ARHGEF28: variants seen among roughly 807,000 people sequenced by gnomAD.
The protein encoded by ARHGEF28 is Rho guanine nucleotide exchange factor 28, also known as 190 kDa guanine nucleotide exchange factor.
A neutral mutation model predicts 206.6 loss-of-function variants in ARHGEF28; 152 were observed. The observed-to-expected ratio is 0.74, with a 90% confidence interval of 0.64 to 0.84. The LOEUF is 0.84. ARHGEF28 is among the 40% of genes least tolerant of loss of function. ARHGEF28 has a pLI of 0.00. For synonymous variants in ARHGEF28, 763 were observed against 776.4 expected (o/e 0.98, Z 0.29); for missense variants, 2,028 against 2,073.2 (o/e 0.98, Z 0.42).
At chr5:73,707,928 A>G (rs1308176706) in intron 2 of ARHGEF28, among the ~76,000 whole-genome samples, 1 of 152,134 alleles carries the variant, frequency 6.6e-6, no homozygotes, top group African/African-American at 2.4e-5. Flanking sequence ...TTCCAGTCTA[A>G]TACCACAAAG....
intron 4 of ARHGEF28, among the ~76,000 whole-genome samples, chr5:73,757,899 GT>G (rs1363033132): frequency 6.6e-6 from 1 of 152,090 alleles, no homozygotes; most frequent in East Asian, 1.9e-4. Flanking sequence ...TTTCTTGCTT[GT>G]TTGTTTTTTG....
intron 2 of ARHGEF28, among the ~76,000 whole-genome samples, chr5:73,716,188 T>A (rs1007420798): frequency 4.6e-5 from 7 of 152,230 alleles, no homozygotes; most frequent in African/African-American, 1.7e-4. Context: ...ATTAATGTTG[T>A]CACCTAACCA....
rs766272744 is a variant in ARHGEF28, at chr5:73,870,262, G to C, written c.2566+53G>C. The C allele has an allele frequency of 9.6e-6, 15 of 1,555,908 alleles. No homozygotes were observed. In the African/African-American group the frequency reaches 1.1e-4, roughly 11 times the overall value. ...TTGAAGCAGTGCGGTTCAGAGAAAA[G>C]AACATGGAATTTGCAACTGTGCAGA... On this transcript the variant is annotated intron_variant, in intron 21 of 35. Coordinates refer to ENST00000513042, the MANE Select transcript of ARHGEF28 (RefSeq NM_001177693.2).
chr5:73,826,021 C>T (rs1756886467), intron 9 of ARHGEF28, among the ~76,000 whole-genome samples: 1 of 152,060 alleles, frequency 6.6e-6, no homozygotes, highest in African/African-American at 2.4e-5. Flanking sequence ...TGAGGACTGA[C>T]CCTAAAGTAG....
chr5:73,907,841 T>C (rs1283967192), intron 33 of ARHGEF28, among the ~76,000 whole-genome samples: 1 of 152,218 alleles, frequency 6.6e-6, no homozygotes, highest in African/African-American at 2.4e-5. Flanking sequence ...AAATGTTAGA[T>C]AGACATGAAG....
intron 2 of ARHGEF28, among the ~76,000 whole-genome samples, chr5:73,733,221 T>C (rs1395165632): frequency 1.3e-5 from 2 of 152,176 alleles, no homozygotes; most frequent in Admixed American, 1.3e-4. Flanking sequence ...CTAAAATAAA[T>C]TGGAGTAGTT....
chr5:73,846,904 T>C lies in ARHGEF28; in HGVS notation c.1635+429T>C, dbSNP rs560487695. On this transcript the variant is annotated intron_variant, in intron 12 of 35. Coordinates refer to ENST00000513042, the MANE Select transcript of ARHGEF28 (RefSeq NM_001177693.2). ...GTTAATAAGGTAGAAGTGATATTTATTGAGCATTTCTGGCTGCTTGAACTA... is the reference window on the plus strand; with the variant it reads ...GTTAATAAGGTAGAAGTGATATTTACTGAGCATTTCTGGCTGCTTGAACTA... 2.8e-4 allele frequency among the ~76,000 whole-genome samples: 42 copies of C among 152,348 alleles called. No individual in the cohort carries two copies. The South Asian group carries it at 8.3e-3, about 30-fold the overall frequency.
chr5:73,874,000 A>G (rs1214323380), intron 22 of ARHGEF28, among the ~76,000 whole-genome samples: 1 of 152,186 alleles, frequency 6.6e-6, no homozygotes, highest in African/African-American at 2.4e-5. Context: ...ACACTGTACA[A>G]GTAATCCAGT....
At chr5:73,812,119 A>C (rs1755875628) in intron 9 of ARHGEF28, among the ~76,000 whole-genome samples, 1 of 152,148 alleles carries the variant, frequency 6.6e-6, no homozygotes, top group African/African-American at 2.4e-5. Flanking sequence ...AAAACACAGT[A>C]GTGATTTATG....
At chr5:73,648,272 G>A (rs1298864559) in intron 1 of ARHGEF28, among the ~76,000 whole-genome samples, 1 of 152,040 alleles carries the variant, frequency 6.6e-6, no homozygotes, top group Admixed American at 6.5e-5. Flanking sequence ...TCCAGTGTCT[G>A]GGAAATCCAT....
At chr5:73,686,132 A>T (rs1747451530) in intron 2 of ARHGEF28, among the ~76,000 whole-genome samples, 1 of 151,704 alleles carries the variant, frequency 6.6e-6, no homozygotes, top group African/African-American at 2.4e-5. Context: ...GATCTCTAGT[A>T]CTCTCTCTAG....
intron 25 of ARHGEF28, 190 bp from the exon 26 acceptor site, chr5:73,887,413 C>G: frequency 2.3e-6 from 1 of 431,920 alleles, no homozygotes; most frequent in Non-Finnish European, 4.1e-6. Context: ...TACCTACAGC[C>G]ACACACAAAC....
At chr5:73,632,656 G>A (rs1448549400) in intron 1 of ARHGEF28, among the ~76,000 whole-genome samples, 1 of 152,084 alleles carries the variant, frequency 6.6e-6, no homozygotes, top group African/African-American at 2.4e-5. Context: ...TTCTTTTATT[G>A]AGGTTAGAAA....
intron 5 of ARHGEF28, among the ~76,000 whole-genome samples, chr5:73,775,969 G>A (rs1328926538): frequency 1.8e-5 from 2 of 112,458 alleles, no homozygotes; most frequent in Admixed American, 8.8e-5. Flanking sequence ...GTGTGTGAGT[G>A]TGTTCAGAAA....
At chr5:73,665,584 G>A (rs1745899915) in intron 1 of ARHGEF28, among the ~76,000 whole-genome samples, 1 of 152,156 alleles carries the variant, frequency 6.6e-6, no homozygotes, top group Non-Finnish European at 1.5e-5. Context: ...TCATGGTTCT[G>A]GAGGCTGAGA....
At chr5:73,719,570 T>C (rs1484032799) in intron 2 of ARHGEF28, among the ~76,000 whole-genome samples, 3 of 152,212 alleles carry the variant, frequency 2.0e-5, no homozygotes, top group African/African-American at 7.2e-5. Flanking sequence ...TGCTAAAATG[T>C]TTCCTCTCCT....
At chr5:73,875,348 A>G (rs1173899290) in intron 22 of ARHGEF28, among the ~76,000 whole-genome samples, 1 of 149,614 alleles carries the variant, frequency 6.7e-6, no homozygotes, top group Non-Finnish European at 1.5e-5. Context: ...GGTTGCAAAA[A>G]TTTTCTCCCA....
At chr5:73,884,781 A>ACTTTT (rs58437639) in intron 24 of ARHGEF28, among the ~76,000 whole-genome samples, 5 of 151,910 alleles carry the variant, frequency 3.3e-5, no homozygotes, top group Non-Finnish European at 7.4e-5. Flanking sequence ...ACCAAATATC[A>ACTTTT]ATGCTGCTCC....
At chr5:73,655,663 A>G (rs1261982502) in intron 1 of ARHGEF28, among the ~76,000 whole-genome samples, 5 of 152,172 alleles carry the variant, frequency 3.3e-5, no homozygotes, top group Non-Finnish European at 7.3e-5. Context: ...CTGTGGCAGT[A>G]TTTACACATT....
Sources: allele counts gnomAD v4.1 joint callset (sites outside exome capture counted in the v4.1 genomes callset), GRCh38; gene constraint gnomAD v4.1.1; transcripts MANE v1.5; gene names NCBI Gene and HGNC (gene_info 2026-07-23, HGNC 2026-07-21).